EIF2AK2: variants seen among roughly 807,000 people sequenced by gnomAD.
EIF2AK2 encodes interferon-induced, double-stranded RNA-activated protein kinase.
A neutral mutation model predicts 70.5 loss-of-function variants in EIF2AK2; 40 were observed. The ratio of observed to expected loss-of-function variants is 0.57; its 90% CI spans 0.44 to 0.74. The LOEUF (loss-of-function observed/expected upper bound fraction) is 0.74. Among genes scored for constraint, EIF2AK2 ranks in the 30% least tolerant of loss-of-function variants. The probability of loss-of-function intolerance (pLI) is 0.00; values close to 1 mark genes in which losing one functional copy is unlikely to be tolerated. For missense variants in EIF2AK2, 555 were observed against 644.3 expected, an observed-to-expected ratio of 0.86 and a Z score of 1.50; for synonymous variants, 198 against 220.9, an observed-to-expected ratio of 0.90 and a Z score of 0.92.
chr2:37,123,859 AT>A (rs1381912659), intron 11 of EIF2AK2, among the ~76,000 whole-genome samples: 1 of 152,216 alleles, frequency 6.6e-6, no homozygotes, highest in Non-Finnish European at 1.5e-5. Context: ...AAGAATAATC[AT>A]TTTACAATTT....
At chr2:37,116,145 C>A (rs755476535) in intron 13 of EIF2AK2, among the ~76,000 whole-genome samples, 1 of 152,142 alleles carries the variant, frequency 6.6e-6, no homozygotes, top group Non-Finnish European at 1.5e-5. Flanking sequence ...GCAATCTGCT[C>A]ACCTCAGCCT....
chr2:37,122,655 C>T lies in EIF2AK2; in HGVS notation c.918G>A (p.Glu306=), dbSNP rs3953395. 5 of 1,614,020 alleles carry T rather than the reference C, an allele frequency of 3.1e-6. No homozygotes were observed. Among genetic ancestry groups the T allele is most frequent in the Admixed American group, 1.7e-5 (1 of 59,994 alleles). The change falls in exon 12 of 17, where the codon GAG becomes GAA. Residue 306 remains glutamate (E), a synonymous_variant. Coordinates refer to ENST00000233057, the MANE Select transcript of EIF2AK2 (RefSeq NM_001135651.3). ...KRVKYNNEKA[E]REVKALAKLD... ...GTTTTGCCAATGCTTTTACTTCACGCTCCGCCTTCCTAGTTAAAAGGAACA... is the reference window on the plus strand; with the variant it reads ...GTTTTGCCAATGCTTTTACTTCACGTTCCGCCTTCCTAGTTAAAAGGAACA...
At chr2:37,113,845 C>T (rs1054926359) in intron 14 of EIF2AK2, among the ~76,000 whole-genome samples, 2 of 152,168 alleles carry the variant, frequency 1.3e-5, no homozygotes, top group African/African-American at 4.8e-5. Context: ...TATTCTCATA[C>T]ATTTTGACGG....
chr2:37,147,091 T>C (rs775129649), intron 3 of EIF2AK2, 118 bp from the exon 4 acceptor site: 4 of 950,388 alleles, frequency 4.2e-6, no homozygotes, highest in Non-Finnish European at 6.0e-6. Flanking sequence ...CTACATTCAA[T>C]ATAGCATTTA....
chr2:37,156,714 A>G (rs890951959), intron 1 of EIF2AK2, among the ~76,000 whole-genome samples, 194 bp downstream of exon 1: 6 of 151,946 alleles, frequency 3.9e-5, no homozygotes, highest in African/African-American at 1.4e-4. Flanking sequence ...AGGGCCCCAC[A>G]CCCGGGCTGC....
chr2:37,114,476 A>G (rs1207254004), intron 14 of EIF2AK2, among the ~76,000 whole-genome samples: 7 of 152,178 alleles, frequency 4.6e-5, no homozygotes, highest in African/African-American at 1.7e-4. Flanking sequence ...AAGTCCTTGA[A>G]AAAATGTACA....
intron 10 of EIF2AK2, 80 bp from the exon 11 acceptor site, chr2:37,126,491 A>C: frequency 1.3e-6 from 2 of 1,530,082 alleles, no homozygotes; most frequent in Non-Finnish European, 1.8e-6. Flanking sequence ...TTTCCCTTTA[A>C]TGTCACTTGT....
At chr2:37,155,385 AT>A (rs2148722119) in intron 1 of EIF2AK2, among the ~76,000 whole-genome samples, 1 of 152,318 alleles carries the variant, frequency 6.6e-6, no homozygotes, top group East Asian at 1.9e-4. Context: ...GAGTACCAAA[AT>A]ATCTCCAGAT....
At chr2:37,122,211 C>T (rs571167488) in intron 12 of EIF2AK2, among the ~76,000 whole-genome samples, 1 of 152,286 alleles carries the variant, frequency 6.6e-6, no homozygotes, top group East Asian at 1.9e-4. Flanking sequence ...GCGCTGAAGC[C>T]GGCACGTGAA....
rs546700916 is a variant in EIF2AK2 at position 37,137,879 on chromosome 2, G to A, written c.687+391C>T. ...TGTAATCCCAGCACTTGGGGAGGCC[G>A]AGGTGGGCAGAACACGAGGTCAGGA... On this transcript the variant is annotated intron_variant, in intron 8 of 16. Coordinates refer to ENST00000233057, the MANE Select transcript of EIF2AK2 (RefSeq NM_001135651.3). 4.6e-5 allele frequency among the ~76,000 whole-genome samples: 7 copies of A among 152,238 alleles called. No individual in the cohort carries two copies. The South Asian group carries it at 1.0e-3, about 23-fold the overall frequency.
chr2:37,139,756 A>G lies in EIF2AK2; in HGVS notation c.391T>C (p.Phe131Leu). ...TGTCCCATTTTGCATTTATAATGAA[A>G]TCTAGGAGAAATCATAGAAGGTACT... ...CASGVHGPEGFHYKCKMGQKE... is the reference protein window; with the variant it reads ...CASGVHGPEGLHYKCKMGQKE... Residue 131 changes from phenylalanine to leucine, a missense_variant and splice_region_variant, in exon 6 of 17, where the codon TTT becomes CTT. Phe to Leu is a conservative substitution (Grantham distance 22). Coordinates refer to ENST00000233057, the MANE Select transcript of EIF2AK2 (RefSeq NM_001135651.3). The G allele has an allele frequency of 6.2e-7, 1 of 1,607,772 alleles. No homozygotes were observed. The highest frequency in any genetic ancestry group is 8.5e-7 in the Non-Finnish European group (1 of 1,178,404).
In EIF2AK2 at chr2:37,145,625, GCC is replaced by G. The variant is rs1158686618; in HGVS notation, c.240+1226_240+1227del. Among the ~76,000 whole-genome samples the G allele has an allele frequency of 4.0e-5, 6 of 151,808 alleles. No individual in the cohort carries two copies. The East Asian group carries it at 1.2e-3, about 29-fold the overall frequency. ...AAAGTCTACAGTGGTAAACAATAAT[GCC>G]CTAGGCCTTCACATTCATTCACCAC... On this transcript the variant is annotated intron_variant, in intron 4 of 16. Transcript: ENST00000233057.
At position 37,105,540 on chromosome 2, in the gene EIF2AK2, G is replaced by A. The variant is rs1030462004; in HGVS notation, c.*1733C>T. On this transcript the variant is annotated 3_prime_UTR_variant, in exon 17 of 17. Coordinates refer to ENST00000233057, the MANE Select transcript of EIF2AK2 (RefSeq NM_001135651.3). ...GCAGCCGGGGAAGAAGCAGATGCTG[G>A]TGCCATGTTTCTTGTACAGCCTGCA... 1.3e-5 allele frequency: 2 copies of A among 152,254 alleles called. No individual in the cohort carries two copies. The highest frequency in any genetic ancestry group is 4.8e-5 in the African/African-American group (2 of 41,392). The allele number at this position is 152,254 out of a possible 1,614,324, so 9.4% of individuals were successfully genotyped here.
In EIF2AK2 at chr2:37,139,656, T is replaced by C; in HGVS notation, c.491A>G (p.Gln164Arg). ...CACTGAGGTTTCTTCTGATAATATCTGAAGATATGCAAGTTTAGCGGCCAA... is the reference window on the plus strand; with the variant it reads ...CACTGAGGTTTCTTCTGATAATATCCGAAGATATGCAAGTTTAGCGGCCAA... ...KQLAAKLAYL[Q>R]ILSEETSVKS... Residue 164 changes from glutamine to arginine, a missense_variant, in exon 6 of 17, where the codon CAG becomes CGG. Gln to Arg is a conservative substitution (Grantham distance 43). Around this residue, in one of 3 missense-constraint regions of EIF2AK2, gnomAD observed 208 missense variants for 191.8 expected, o/e 1.08. Transcript: ENST00000233057. 5 of 1,614,050 alleles carry C rather than the reference T, an allele frequency of 3.1e-6. No homozygotes were observed. Among genetic ancestry groups the C allele is most frequent in the Non-Finnish European group, 4.2e-6 (5 of 1,180,006 alleles).
intron 4 of EIF2AK2, among the ~76,000 whole-genome samples, chr2:37,142,643 G>T (rs1675374410): frequency 6.6e-6 from 1 of 150,894 alleles, no homozygotes; most frequent in African/African-American, 2.4e-5. Flanking sequence ...ACTTTTGCTT[G>T]AGTTAAAAAA....
intron 4 of EIF2AK2, among the ~76,000 whole-genome samples, chr2:37,144,543 T>C (rs888542728): frequency 2.7e-4 from 41 of 152,022 alleles, no homozygotes; most frequent in African/African-American, 9.7e-4. Context: ...TGACGCTGTG[T>C]AGGCCTAGGC....
At position 37,148,902 on chromosome 2, in the gene EIF2AK2, T is replaced by C; in HGVS notation, c.-62A>G. On this transcript the variant is annotated 5_prime_UTR_variant, in exon 2 of 17. Coordinates refer to ENST00000233057, the MANE Select transcript of EIF2AK2 (RefSeq NM_001135651.3). ...AAATGCACGCAGATAATCACGGAAG[T>C]GTGGATGTTGATTCTGAAGACCGCC... is the stretch of plus-strand genomic sequence containing the variant. 1.2e-6 allele frequency: 1 copy of C among 826,814 alleles called. No individual in the cohort carries two copies. Among genetic ancestry groups the C allele is most frequent in the East Asian group, 2.4e-5 (1 of 41,422 alleles). The allele number at this position is 826,814 out of a possible 1,614,324, so 51.2% of individuals were successfully genotyped here. A position where few individuals can be genotyped will look rare whatever the true frequency, so the allele number is the denominator to read the frequency against.
At position 37,126,350 on chromosome 2, in the gene EIF2AK2, T is replaced by C. The variant is rs1674728523; in HGVS notation, c.847A>G (p.Lys283Glu). 6.2e-7 allele frequency: 1 copy of C among 1,612,948 alleles called. No individual in the cohort carries two copies. Among genetic ancestry groups the C allele is most frequent in the South Asian group, 1.1e-5 (1 of 90,904 alleles). ...IGSGGFGQVF[K>E]AKHRIDGKTY... ...TTTCCGTCAATTCTGTGTTTTGCTT[T>C]GAAAACTTGGCCAAATCCACCTGAG... Residue 283 changes from lysine to glutamate, a missense_variant, in exon 11 of 17, where the codon AAA (lysine) becomes GAA (glutamate). Coordinates refer to ENST00000233057, the MANE Select transcript of EIF2AK2 (RefSeq NM_001135651.3).
chr2:37,126,648 C>T (rs1674739720), intron 10 of EIF2AK2, among the ~76,000 whole-genome samples: 1 of 152,094 alleles, frequency 6.6e-6, no homozygotes, highest in African/African-American at 2.4e-5. Context: ...TCACAGTCAA[C>T]TCCTGGCTTT....
Sources: allele counts gnomAD v4.1 joint callset (sites outside exome capture counted in the v4.1 genomes callset), GRCh38; gene constraint gnomAD v4.1.1; regional missense constraint gnomAD v4.1.1; transcripts MANE v1.5; gene names NCBI Gene and HGNC (gene_info 2026-07-23, HGNC 2026-07-21).